The following CEP85L variants were observed in gnomAD, a reference collection of about 807,000 sequenced individuals.
The protein encoded by CEP85L is centrosomal protein of 85 kDa-like.
A neutral mutation model predicts 100.3 loss-of-function variants in CEP85L; 60 were observed. The ratio of observed to expected loss-of-function variants is 0.60; its 90% CI spans 0.49 to 0.74. CEP85L has a LOEUF of 0.74. Among genes scored for constraint, CEP85L ranks in the 30% least tolerant of loss-of-function variants. The probability of loss-of-function intolerance (pLI) is 0.00; values close to 1 mark genes in which losing one functional copy is unlikely to be tolerated. For missense variants in CEP85L, 973 were observed against 936.2 expected, an observed-to-expected ratio of 1.04 and a Z score of -0.51; for synonymous variants, 319 against 322.7, an observed-to-expected ratio of 0.99 and a Z score of 0.12.
intron 2 of CEP85L, among the ~76,000 whole-genome samples, chr6:118,618,720 G>C (rs950806340): frequency 1.3e-5 from 2 of 152,164 alleles, no homozygotes; most frequent in Admixed American, 1.3e-4. Context: ...CTAGAGTGCA[G>C]CAGTTGTTCT....
At chr6:118,487,242 C>A (rs910342989) in intron 6 of CEP85L, among the ~76,000 whole-genome samples, 14 of 152,166 alleles carry the variant, frequency 9.2e-5, no homozygotes, top group Admixed American at 5.9e-4. Context: ...CCTGAGCTGT[C>A]TGAGCAACTG....
chr6:118,605,492 T>G (rs968824233), intron 2 of CEP85L, among the ~76,000 whole-genome samples: 1 of 152,190 alleles, frequency 6.6e-6, no homozygotes, highest in Non-Finnish European at 1.5e-5. Flanking sequence ...TCTCTCATAA[T>G]GCAAAGTAAT....
At chr6:118,663,580 T>G (rs1776040220) in intron 1 of CEP85L, among the ~76,000 whole-genome samples, 1 of 152,130 alleles carries the variant, frequency 6.6e-6, no homozygotes, top group Non-Finnish European at 1.5e-5. Flanking sequence ...AAGTAATGAG[T>G]ACAGAATTTG....
chr6:118,603,202 T>C (rs1052771933), intron 2 of CEP85L, among the ~76,000 whole-genome samples: 10 of 143,890 alleles, frequency 6.9e-5, no homozygotes, highest in African/African-American at 2.4e-4. Context: ...TCCTCTCCTC[T>C]TGGGGTCCCA....
rs2114350210 is a variant in CEP85L, at chr6:118,461,421, T to A, written c.*3984A>T. On this transcript the variant is annotated 3_prime_UTR_variant, in exon 13 of 13. Coordinates refer to ENST00000368491, the MANE Select transcript of CEP85L (RefSeq NM_001042475.3). ...CGGCTCCTTGCTTTAAAAAAAAAAA[T>A]TCCTTAATCAAGTTTATATACAGAA... The A allele has an allele frequency of 6.6e-6, 1 of 151,806 alleles. No homozygotes were observed. Among genetic ancestry groups the A allele is most frequent in the Admixed American group, 6.6e-5 (1 of 15,234 alleles). The allele number at this position is 151,806 out of a possible 1,614,324, so 9.4% of individuals were successfully genotyped here. A position where few individuals can be genotyped will look rare whatever the true frequency, so the allele number is the denominator to read the frequency against.
chr6:118,638,114 C>T (rs1348448355), intron 1 of CEP85L, among the ~76,000 whole-genome samples: 2 of 151,480 alleles, frequency 1.3e-5, no homozygotes, highest in Non-Finnish European at 2.9e-5. Flanking sequence ...ATGTGTAGCA[C>T]ATGCCTGTAA....
intron 2 of CEP85L, among the ~76,000 whole-genome samples, chr6:118,576,967 A>G (rs1242436975): frequency 6.6e-6 from 1 of 152,144 alleles, no homozygotes; most frequent in East Asian, 1.9e-4. Context: ...TTTCCACTTG[A>G]TTGATCCTCT....
chr6:118,679,988 T>TA (rs996477553), intron 1 of CEP85L, among the ~76,000 whole-genome samples: 292 of 143,326 alleles, frequency 2.0e-3, no homozygotes, highest in African/African-American at 2.4e-3. Flanking sequence ...TCATTGGCAT[T>TA]AAAAAAAAAA....
At chr6:118,558,180 A>T (rs997686769) in intron 3 of CEP85L, among the ~76,000 whole-genome samples, 4 of 152,096 alleles carry the variant, frequency 2.6e-5, no homozygotes, top group Non-Finnish European at 4.4e-5. Flanking sequence ...CAAACTCCTG[A>T]CCTCAGGGGA....
At chr6:118,696,854 G>A (rs977118587) in intron 1 of CEP85L, among the ~76,000 whole-genome samples, 6 of 152,118 alleles carry the variant, frequency 3.9e-5, no homozygotes, top group South Asian at 2.1e-4. Flanking sequence ...TTTTATTAAG[G>A]ATCCAGGTCC....
At chr6:118,569,709 A>G (rs1443528339) in intron 2 of CEP85L, among the ~76,000 whole-genome samples, 5 of 151,880 alleles carry the variant, frequency 3.3e-5, no homozygotes, top group African/African-American at 1.2e-4. Context: ...TTAAAAAGCT[A>G]CAAGTAAATA....
intron 3 of CEP85L, among the ~76,000 whole-genome samples, chr6:118,531,298 G>C (rs1414269194): frequency 2.0e-5 from 3 of 152,078 alleles, no homozygotes; most frequent in Admixed American, 6.6e-5. Flanking sequence ...TGGAATAACT[G>C]GCTAGCCATA....
chr6:118,472,416 T>C (rs574289909), intron 10 of CEP85L, among the ~76,000 whole-genome samples: 1 of 152,144 alleles, frequency 6.6e-6, no homozygotes, highest in Non-Finnish European at 1.5e-5. Flanking sequence ...GATAGGCTTA[T>C]CCTGAAAGGA....
chr6:118,654,830 C>T (rs1775734530), upstream of CEP85L, among the ~76,000 whole-genome samples: 1 of 152,170 alleles, frequency 6.6e-6, no homozygotes, highest in African/African-American at 2.4e-5. Context: ...ATAGTTAGAA[C>T]AGTGTATGTG....
intron 1 of CEP85L, among the ~76,000 whole-genome samples, chr6:118,636,763 T>C (rs1774519328): frequency 6.6e-6 from 1 of 152,200 alleles, no homozygotes; most frequent in Admixed American, 6.5e-5. Context: ...ACCTTCAAGC[T>C]TGAACTGATC....
intron 1 of CEP85L, among the ~76,000 whole-genome samples, chr6:118,695,256 C>G (rs140296397): frequency 1.3e-3 from 204 of 152,252 alleles, no homozygotes; most frequent in African/African-American, 4.6e-3. Context: ...GGTACTAAAA[C>G]CTCTAAACGA....
At chr6:118,681,980 T>TC (rs750865530) in intron 1 of CEP85L, among the ~76,000 whole-genome samples, 1 of 152,150 alleles carries the variant, frequency 6.6e-6, no homozygotes, top group South Asian at 2.1e-4. Flanking sequence ...CCTCAGGTGA[T>TC]CCACCTGCTG....
chr6:118,642,391 G>T (rs1167630278), intron 1 of CEP85L, among the ~76,000 whole-genome samples: 2 of 152,188 alleles, frequency 1.3e-5, no homozygotes, highest in Non-Finnish European at 2.9e-5. Context: ...GATCTGCTCA[G>T]ACATGAAAAG....
intron 2 of CEP85L, among the ~76,000 whole-genome samples, chr6:118,622,995 T>C (rs556867386): frequency 5.3e-5 from 8 of 152,172 alleles, no homozygotes; most frequent in African/African-American, 1.7e-4. Context: ...CATGGGGGCA[T>C]AGTTTTCTCC....
Sources: allele counts gnomAD v4.1 joint callset (sites outside exome capture counted in the v4.1 genomes callset), GRCh38; gene constraint gnomAD v4.1.1; transcripts MANE v1.5; gene names NCBI Gene and HGNC (gene_info 2026-07-23, HGNC 2026-07-21).